The following GABBR2 variants were observed in gnomAD, a reference collection of about 807,000 sequenced individuals.
GABBR2 encodes the protein gamma-aminobutyric acid type B receptor subunit 2.
In GABBR2, 23 loss-of-function variants were observed where a neutral mutation model predicts 105.6. The ratio of observed to expected loss-of-function variants is 0.22; its 90% CI spans 0.16 to 0.31. The LOEUF (loss-of-function observed/expected upper bound fraction) is 0.31. Among genes scored for constraint, GABBR2 ranks in the 10% least tolerant of loss-of-function variants. The pLI, the probability that GABBR2 is intolerant of heterozygous loss-of-function variation, is 1.00. For synonymous variants in GABBR2, 478 were observed against 499.7 expected, an observed-to-expected ratio of 0.96 and a Z score of 0.58; for missense variants, 734 against 1,245.5, an observed-to-expected ratio of 0.59 and a Z score of 6.18.
chr9:98,503,154 C>A (rs1827438591), intron 3 of GABBR2, among the ~76,000 whole-genome samples: 1 of 152,130 alleles, frequency 6.6e-6, no homozygotes, highest in African/African-American at 2.4e-5. Context: ...AGAAGTCAGC[C>A]CCAGGCCAGG....
At chr9:98,350,087 T>C (rs1831370302) in intron 13 of GABBR2, among the ~76,000 whole-genome samples, 1 of 152,102 alleles carries the variant, frequency 6.6e-6, no homozygotes, top group East Asian at 1.9e-4. Flanking sequence ...TGGCATCAGT[T>C]GTTATGTCTC....
At chr9:98,647,402 G>A (rs1352982352) in intron 1 of GABBR2, among the ~76,000 whole-genome samples, 1 of 152,234 alleles carries the variant, frequency 6.6e-6, no homozygotes, top group African/African-American at 2.4e-5. Flanking sequence ...CCCAGGAAAT[G>A]CGCAGGTGGC....
intron 1 of GABBR2, among the ~76,000 whole-genome samples, chr9:98,665,538 C>T (rs1176312525): frequency 6.6e-6 from 1 of 152,072 alleles, no homozygotes; most frequent in Admixed American, 6.6e-5. Flanking sequence ...GCCATATGAC[C>T]CAGCAGACCC....
chr9:98,435,208 G>A (rs112161187), intron 7 of GABBR2, among the ~76,000 whole-genome samples: 9 of 152,166 alleles, frequency 5.9e-5, no homozygotes, highest in African/African-American at 2.2e-4. Context: ...ATTTTCTCTG[G>A]GCTGCCAAGT....
chr9:98,443,119 T>C (rs1444470062), intron 7 of GABBR2, among the ~76,000 whole-genome samples: 4 of 152,236 alleles, frequency 2.6e-5, no homozygotes, highest in Non-Finnish European at 4.4e-5. Context: ...GCTCAGCATA[T>C]AGTAGGCATT....
At chr9:98,646,453 G>A (rs1194742386) in intron 1 of GABBR2, among the ~76,000 whole-genome samples, 1 of 152,116 alleles carries the variant, frequency 6.6e-6, no homozygotes, top group Admixed American at 6.5e-5. Context: ...GGTTTCCTCT[G>A]GACTTCTCCC....
In GABBR2 at chr9:98,614,556, A is replaced by G. The variant is rs527982061; in HGVS notation, c.322-36484T>C. ...AATAAATTAATTAATTAAGTAAATAAAAGACAAATTAAAATGAGTAAAACA... is the reference window on the plus strand; with the variant it reads ...AATAAATTAATTAATTAAGTAAATAGAAGACAAATTAAAATGAGTAAAACA... On this transcript the variant is annotated intron_variant, in intron 1 of 18. Coordinates refer to ENST00000259455, the MANE Select transcript of GABBR2 (RefSeq NM_005458.8). 2.6e-5 allele frequency among the ~76,000 whole-genome samples: 4 copies of G among 152,320 alleles called. No homozygotes were observed. The South Asian group carries it at 8.3e-4, about 32-fold the overall frequency.
At chr9:98,324,697 G>A (rs746305284) in intron 13 of GABBR2, among the ~76,000 whole-genome samples, 200 of 152,174 alleles carry the variant, frequency 1.3e-3, no homozygotes, top group Non-Finnish European at 1.2e-3. Context: ...GGTGTGTGGG[G>A]ATACCTGGGT....
At chr9:98,525,329 TA>T (rs1827936936) in intron 3 of GABBR2, among the ~76,000 whole-genome samples, 1 of 151,986 alleles carries the variant, frequency 6.6e-6, no homozygotes, top group South Asian at 2.1e-4. Context: ...ACAACCCAAT[TA>T]AAAATTGGAC....
At chr9:98,387,386 C>G (rs953677404) in intron 10 of GABBR2, among the ~76,000 whole-genome samples, 1 of 152,240 alleles carries the variant, frequency 6.6e-6, no homozygotes, top group East Asian at 1.9e-4. Context: ...TGGGACTTCT[C>G]GAGGCATCTG....
intron 7 of GABBR2, among the ~76,000 whole-genome samples, chr9:98,441,133 G>A (rs1462933467): frequency 1.3e-5 from 2 of 152,132 alleles, no homozygotes; most frequent in African/African-American, 2.4e-5. Flanking sequence ...GTATGTAAAA[G>A]CAACCAGACT....
chr9:98,639,959 T>A (rs1829937051), intron 1 of GABBR2, among the ~76,000 whole-genome samples: 1 of 152,102 alleles, frequency 6.6e-6, no homozygotes, highest in Non-Finnish European at 1.5e-5. Flanking sequence ...TAGTCTTCCA[T>A]CACCTTGAAC....
At position 98,331,785 on chromosome 9, in the gene GABBR2, T is replaced by C. The variant is rs185762355; in HGVS notation, c.1894-20580A>G. Among the ~76,000 whole-genome samples the C allele has an allele frequency of 3.3e-5, 5 of 152,218 alleles. No individual in the cohort carries two copies. In the East Asian group the frequency reaches 9.7e-4, roughly 29 times the overall value. Reference sequence around the variant, plus strand: ...TGGGTGGGGCAGAGAGCGTGGAGCATGAGAAGGCACATGGGAAGTGGGAGT... The same window carrying C: ...TGGGTGGGGCAGAGAGCGTGGAGCACGAGAAGGCACATGGGAAGTGGGAGT... On this transcript the variant is annotated intron_variant, in intron 13 of 18. Transcript: ENST00000259455.
intron 12 of GABBR2, among the ~76,000 whole-genome samples, chr9:98,363,559 C>T (rs547794686): frequency 2.2e-4 from 34 of 152,306 alleles, no homozygotes; most frequent in African/African-American, 7.2e-4. Context: ...TTTACAGCAA[C>T]AATCAGAAGC....
chr9:98,360,431 T>C (rs1831562491), intron 13 of GABBR2, among the ~76,000 whole-genome samples: 2 of 152,186 alleles, frequency 1.3e-5, no homozygotes, highest in Admixed American at 6.5e-5. Flanking sequence ...GAAAAGGTTC[T>C]GAGAGAAATC....
At chr9:98,622,017 T>C (rs1218638426) in intron 1 of GABBR2, among the ~76,000 whole-genome samples, 2 of 152,180 alleles carry the variant, frequency 1.3e-5, no homozygotes, top group Non-Finnish European at 2.9e-5. Context: ...AAAAATGGTC[T>C]TTAGGCATCC....
chr9:98,644,555 G>A (rs1168433126), intron 1 of GABBR2, among the ~76,000 whole-genome samples: 2 of 152,142 alleles, frequency 1.3e-5, no homozygotes, highest in Non-Finnish European at 2.9e-5. Flanking sequence ...AAGATACTGG[G>A]AATGGGCTGG....
At chr9:98,437,395 G>A (rs916404389) in intron 7 of GABBR2, among the ~76,000 whole-genome samples, 7 of 151,108 alleles carry the variant, frequency 4.6e-5, no homozygotes, top group African/African-American at 9.7e-5. Context: ...TACAACCACC[G>A]TCTATCCATC....
chr9:98,706,006 G>A (rs140612361), intron 1 of GABBR2, among the ~76,000 whole-genome samples: 13,013 of 152,016 alleles, frequency 0.086, 647 homozygotes, highest in Non-Finnish European at 0.11. Context: ...ACCCTGGGAG[G>A]TGGAGGTTGC....
Sources: gnomAD v4.1 joint callset for allele counts (sites outside exome capture counted in the v4.1 genomes callset) on GRCh38, gnomAD v4.1.1 for gene constraint, MANE v1.5 for transcripts, NCBI Gene and HGNC (gene_info 2026-07-23, HGNC 2026-07-21) for gene names.